The following PACS1 variants were observed in gnomAD, a reference collection of about 807,000 sequenced individuals.
PACS1 encodes the protein phosphofurin acidic cluster sorting protein 1.
Under a neutral mutation model 115.0 loss-of-function variants are expected in PACS1, and 24 were observed. The ratio of observed to expected loss-of-function variants is 0.21; its 90% CI spans 0.15 to 0.29. The LOEUF is 0.29. Among genes scored for constraint, PACS1 ranks in the 10% least tolerant of loss-of-function variants. The pLI is 1.00. For missense variants in PACS1, 838 were observed against 1,251.2 expected, an observed-to-expected ratio of 0.67 and a Z score of 4.98; for synonymous variants, 453 against 504.5, an observed-to-expected ratio of 0.90 and a Z score of 1.37.
At chr11:66,154,609 C>T (rs1317305042) in intron 1 of PACS1, among the ~76,000 whole-genome samples, 2 of 152,078 alleles carry the variant, frequency 1.3e-5, no homozygotes, top group African/African-American at 4.8e-5. Flanking sequence ...GTATAGTATT[C>T]CACTTGCCAT....
chr11:66,244,179 G>A lies in PACS1; in HGVS notation c.*899G>A, dbSNP rs113975993. The A allele has an allele frequency of 6.6e-6, 1 of 152,148 alleles. No homozygotes were observed. Among genetic ancestry groups the A allele is most frequent in the East Asian group, 1.9e-4 (1 of 5,172 alleles). The allele number at this position is 152,148 out of a possible 1,614,324, so 9.4% of individuals were successfully genotyped here. ...AGCTCTGCCTGGACTTGGAGAGATG[G>A]GAGGCAGACCCCCACCACCATACAT... On this transcript the variant is annotated 3_prime_UTR_variant, in exon 24 of 24. Coordinates refer to ENST00000320580, the MANE Select transcript of PACS1 (RefSeq NM_018026.4).
At chr11:66,220,967 T>A (rs574867758) in intron 9 of PACS1, among the ~76,000 whole-genome samples, 176 bp downstream of exon 9, 13 of 152,242 alleles carry the variant, frequency 8.5e-5, no homozygotes, top group African/African-American at 3.1e-4. Context: ...AGAAGTCCTA[T>A]AGGACTCTCA....
At chr11:66,204,602 A>T (rs1225503931) in intron 2 of PACS1, among the ~76,000 whole-genome samples, 3 of 152,210 alleles carry the variant, frequency 2.0e-5, no homozygotes, top group Non-Finnish European at 4.4e-5. Flanking sequence ...CATATACACA[A>T]TGGAGTACTA....
intron 13 of PACS1, 103 bp downstream of exon 13, chr11:66,231,043 A>G: frequency 7.3e-7 from 1 of 1,374,442 alleles, no homozygotes; most frequent in Non-Finnish European, 1.0e-6. Context: ...GAGAAGAGGA[A>G]TACTTGGAAA....
intron 1 of PACS1, among the ~76,000 whole-genome samples, chr11:66,190,329 A>G (rs766738033): frequency 6.6e-6 from 1 of 152,320 alleles, no homozygotes. Context: ...CATCCCAGTC[A>G]TGTCCCATTT....
chr11:66,076,797 G>A (rs1408559225), intron 1 of PACS1, among the ~76,000 whole-genome samples: 1 of 152,196 alleles, frequency 6.6e-6, no homozygotes, highest in African/African-American at 2.4e-5. Flanking sequence ...GTCACATTCC[G>A]GAAATTCCGT....
intron 1 of PACS1, among the ~76,000 whole-genome samples, chr11:66,078,645 C>G (rs1399945672): frequency 6.6e-6 from 1 of 152,196 alleles, no homozygotes; most frequent in Non-Finnish European, 1.5e-5. Flanking sequence ...CCTCAACCTC[C>G]TGGGTTCAAG....
chr11:66,201,218 CAA>C (rs576788314), intron 2 of PACS1, among the ~76,000 whole-genome samples: 3 of 127,886 alleles, frequency 2.3e-5, no homozygotes, highest in Non-Finnish European at 1.7e-5. Flanking sequence ...GCCTCTGTCT[CAA>C]AAAAAAAAAA....
intron 1 of PACS1, among the ~76,000 whole-genome samples, chr11:66,128,451 G>A (rs1858628300): frequency 6.6e-6 from 1 of 152,198 alleles, no homozygotes; most frequent in Non-Finnish European, 1.5e-5. Flanking sequence ...CCAGGCAAGG[G>A]AGTAGGTGGG....
intron 2 of PACS1, among the ~76,000 whole-genome samples, chr11:66,199,314 C>CAA (rs35445093): frequency 5.4e-5 from 5 of 92,186 alleles, no homozygotes; most frequent in South Asian, 3.8e-4. Context: ...GACTCCATCT[C>CAA]AAAAAAAAAA....
chr11:66,233,740 C>A lies in PACS1; in HGVS notation c.1839-45C>A. 1 of 1,556,058 alleles carries A rather than the reference C, an allele frequency of 6.4e-7. No homozygotes were observed. Among genetic ancestry groups the A allele is most frequent in the Non-Finnish European group, 8.7e-7 (1 of 1,149,954 alleles). On this transcript the variant is annotated intron_variant, in intron 15 of 23. Transcript: ENST00000320580. The surrounding 1 kb of genome is among the most constrained non-coding windows in gnomAD (Gnocchi z 4.5). Reference sequence around the variant, plus strand: ...GCTCTGGGCCTCCCCCGGGCAGGATCCTGGCACCCCTGAGCACTGCTATGA... The same window carrying A: ...GCTCTGGGCCTCCCCCGGGCAGGATACTGGCACCCCTGAGCACTGCTATGA...
At chr11:66,120,169 A>G (rs1440873950) in intron 1 of PACS1, among the ~76,000 whole-genome samples, 1 of 126,402 alleles carries the variant, frequency 7.9e-6, no homozygotes, top group Non-Finnish European at 1.6e-5. Context: ...TTTTTTTGAG[A>G]CAGAGTCTCG....
intron 7 of PACS1, 87 bp downstream of exon 7, chr11:66,216,862 C>CTTATTTTTT: frequency 1.2e-6 from 1 of 849,840 alleles, no homozygotes; most frequent in Non-Finnish European, 2.0e-6. Context: ...CTAGTGGAGA[C>CTTATTTTTT]TTCTTAAAAT....
chr11:66,230,700 G>A, intron 12 of PACS1, 37 bp downstream of exon 12: 1 of 1,608,802 alleles, frequency 6.2e-7, no homozygotes, highest in African/African-American at 1.3e-5. Flanking sequence ...GGTACAGCCT[G>A]CAGCTGTGCT....
At chr11:66,241,396 C>G in intron 21 of PACS1, 31 bp from the exon 22 acceptor site, 1 of 1,523,606 alleles carries the variant, frequency 6.6e-7, no homozygotes, top group Non-Finnish European at 8.9e-7. Flanking sequence ...GAAGGCAGAG[C>G]TGACCTCTCC....
intron 1 of PACS1, among the ~76,000 whole-genome samples, chr11:66,096,280 G>A (rs1857780640): frequency 1.4e-5 from 2 of 146,914 alleles, no homozygotes; most frequent in Non-Finnish European, 3.0e-5. Context: ...TACAGTGATG[G>A]CTCACTGCAG....
chr11:66,161,040 C>A (rs1001364324), intron 1 of PACS1, among the ~76,000 whole-genome samples: 2 of 152,098 alleles, frequency 1.3e-5, no homozygotes, highest in Admixed American at 1.3e-4. Flanking sequence ...GTACCCCTCA[C>A]TTAGTGAGGA....
chr11:66,139,123 G>A (rs1858917946), intron 1 of PACS1, among the ~76,000 whole-genome samples: 1 of 152,124 alleles, frequency 6.6e-6, no homozygotes, highest in South Asian at 2.1e-4. Context: ...AAAACATCAT[G>A]CTACTGTTTA....
intron 1 of PACS1, among the ~76,000 whole-genome samples, chr11:66,171,998 T>A (rs1427752675): frequency 3.9e-5 from 6 of 152,238 alleles, no homozygotes; most frequent in Admixed American, 3.9e-4. Flanking sequence ...ATTTCCATTC[T>A]CTTCTGAAAC....
Sources: allele counts gnomAD v4.1 joint callset (sites outside exome capture counted in the v4.1 genomes callset), GRCh38; gene constraint gnomAD v4.1.1; non-coding constraint Gnocchi (gnomAD v3.1); transcripts MANE v1.5; gene names NCBI Gene and HGNC (gene_info 2026-07-23, HGNC 2026-07-21).